Variants in FAT3 observed in about 807,000 individuals in gnomAD.
FAT3 encodes FAT atypical cadherin 3.
A neutral mutation model predicts 310.2 loss-of-function variants in FAT3; 95 were observed. The ratio of observed to expected loss-of-function variants is 0.31; its 90% CI spans 0.26 to 0.36. The LOEUF is 0.36. FAT3 is among the 10% of genes least tolerant of loss of function. The pLI is 1.00. For missense variants in FAT3, 5,408 were observed against 5,715.6 expected (o/e 0.95, Z 1.74); for synonymous variants, 2,314 against 2,192.9 (o/e 1.06, Z -1.54).
chr11:92,642,406 C>T (rs1941996780), intron 3 of FAT3, among the ~76,000 whole-genome samples: 2 of 152,196 alleles, frequency 1.3e-5, no homozygotes, highest in African/African-American at 2.4e-5. Context: ...ATTTTAACCT[C>T]CAGTGCAAAA....
chr11:92,286,549 T>C (rs1175483074), intron 1 of FAT3, among the ~76,000 whole-genome samples: 2 of 152,186 alleles, frequency 1.3e-5, no homozygotes. Context: ...GTTGTTTTCC[T>C]GAAGGACCAT....
At chr11:92,557,995 C>T in intron 3 of FAT3, among the ~76,000 whole-genome samples, 1 of 152,116 alleles carries the variant, frequency 6.6e-6, no homozygotes, top group East Asian at 1.9e-4. Flanking sequence ...TTTATTTGGC[C>T]AGGCTAGATA....
At chr11:92,339,427 C>T (rs1948181118) in intron 1 of FAT3, among the ~76,000 whole-genome samples, 1 of 152,120 alleles carries the variant, frequency 6.6e-6, no homozygotes, top group Non-Finnish European at 1.5e-5. Context: ...ACTATGTGCC[C>T]AGTAGTATGT....
chr11:92,615,320 C>G (rs1940749432), intron 3 of FAT3, among the ~76,000 whole-genome samples: 1 of 152,160 alleles, frequency 6.6e-6, no homozygotes, highest in Non-Finnish European at 1.5e-5. Context: ...GATCTTCGCT[C>G]ACTGCAACCT....
At chr11:92,343,530 TAA>T (rs1389870076) in intron 1 of FAT3, among the ~76,000 whole-genome samples, 2 of 152,154 alleles carry the variant, frequency 1.3e-5, no homozygotes, top group African/African-American at 4.8e-5. Context: ...ATTGACTAAG[TAA>T]AACTAGATAA....
At chr11:92,854,420 G>A (rs893479252) in intron 19 of FAT3, among the ~76,000 whole-genome samples, 1 of 152,134 alleles carries the variant, frequency 6.6e-6, no homozygotes, top group African/African-American at 2.4e-5. Context: ...GGGGGGTGGG[G>A]CTCCCACCAG....
rs369138787 is a variant in FAT3, at chr11:92,801,821, C to T, written c.8808C>T (p.Ser2936=). 7.9e-5 allele frequency: 127 copies of T among 1,613,722 alleles called. No individual in the cohort carries two copies. The highest frequency in any genetic ancestry group is 6.7e-4 in the South Asian group (61 of 91,068). ...TGTACCGAGGGAATGTGAAGGAGAG[C>T]GACCCACCGGGCGAGGTGGTAGCCG... ...QEVYRGNVKE[S]DPPGEVVAVL... Residue 2936 remains serine, a synonymous_variant, in exon 10 of 28, where the codon AGC becomes AGT. Transcript: ENST00000525166.
At chr11:92,569,884 A>G (rs1184850544) in intron 3 of FAT3, among the ~76,000 whole-genome samples, 2 of 152,146 alleles carry the variant, frequency 1.3e-5, no homozygotes, top group African/African-American at 4.8e-5. Context: ...GTGATTTCCA[A>G]CAGCTCATGC....
chr11:92,881,062 T>C (rs1949661581), intron 23 of FAT3, among the ~76,000 whole-genome samples, 178 bp downstream of exon 23: 2 of 152,356 alleles, frequency 1.3e-5, no homozygotes, highest in Non-Finnish European at 2.9e-5. Context: ...GAATTATCTC[T>C]GGGTAGTAGG....
At position 92,859,228 on chromosome 11, in the gene FAT3, A is replaced by T; in HGVS notation, c.11564A>T (p.Lys3855Ile). 1 of 1,613,928 alleles carries T rather than the reference A, an allele frequency of 6.2e-7. No homozygotes were observed. Among genetic ancestry groups the T allele is most frequent in the South Asian group, 1.1e-5 (1 of 91,056 alleles). ...AAATATCGGCTTTCTGAAAATAGCA[A>T]AGAAGAGGATTTCAAACTAGCTCTG... Reference protein sequence around the residue: ...YIKYRLSENSKEEDFKLALRL... With the variant: ...YIKYRLSENSIEEDFKLALRL... Residue 3855 changes from lysine (K) to isoleucine (I), a missense_variant, in exon 21 of 28, where the codon AAA becomes ATA. By Grantham distance (102) the Lys-to-Ile change is moderately radical (BLOSUM62 -3). This residue lies in a region of FAT3 where 4,588 missense variants were observed against 4,809.8 expected (regional missense o/e 0.95). Coordinates refer to ENST00000525166, the MANE Select transcript of FAT3 (RefSeq NM_001367949.2).
At chr11:92,780,397 T>C (rs949809664) in intron 7 of FAT3, among the ~76,000 whole-genome samples, 14 of 152,094 alleles carry the variant, frequency 9.2e-5, no homozygotes, top group African/African-American at 3.4e-4. Context: ...TCTTGGGCTT[T>C]AGTGACCTGC....
intron 2 of FAT3, among the ~76,000 whole-genome samples, chr11:92,404,169 A>G (rs1052564646): frequency 1.3e-5 from 2 of 151,926 alleles, no homozygotes; most frequent in African/African-American, 4.8e-5. Context: ...CCATTCAACA[A>G]ATATCAAGGA....
intron 2 of FAT3, among the ~76,000 whole-genome samples, chr11:92,489,363 A>AT (rs998276949): frequency 7.9e-5 from 12 of 152,040 alleles, no homozygotes; most frequent in South Asian, 4.1e-4. Context: ...ATCATTATGC[A>AT]TTTTTTCCAT....
intron 9 of FAT3, among the ~76,000 whole-genome samples, chr11:92,795,735 A>C (rs1299177225): frequency 1.3e-5 from 2 of 151,890 alleles, no homozygotes; most frequent in Admixed American, 6.6e-5. Context: ...ACGTGGCAAA[A>C]CCCCGTCTCT....
rs1179409316 is a variant in FAT3, at chr11:92,683,072, T to TAAAAAAAAAAAAA, written c.3608-14310_3608-14298dup. Among the ~76,000 whole-genome samples, 46 of 114,802 alleles carry TAAAAAAAAAAAAA rather than the reference T, an allele frequency of 4.0e-4. 2 individuals are homozygous for TAAAAAAAAAAAAA. The highest frequency in any genetic ancestry group is 1.2e-3 in the African/African-American group (29 of 24,534). The allele number at this position is 114,802 out of a possible 152,430, so 75.3% of individuals were successfully genotyped here. On this transcript the variant is annotated intron_variant, in intron 3 of 27. Coordinates refer to ENST00000525166, the MANE Select transcript of FAT3 (RefSeq NM_001367949.2). ...CAGCCTGGGTGACACAGCAAGACTC[T>TAAAAAAAAAAAAA]AAAAAAAAAAAAAAGTGGTATCTGA...
At chr11:92,409,031 G>A (rs570343468) in intron 2 of FAT3, among the ~76,000 whole-genome samples, 10 of 152,090 alleles carry the variant, frequency 6.6e-5, no homozygotes, top group East Asian at 3.9e-4. Context: ...TAAACATTAC[G>A]TATAGAAGTG....
At chr11:92,818,384 G>A (rs1032536327) in intron 13 of FAT3, among the ~76,000 whole-genome samples, 1 of 152,160 alleles carries the variant, frequency 6.6e-6, no homozygotes, top group African/African-American at 2.4e-5. Flanking sequence ...GTGGGACAGA[G>A]AGAAGGGGCA....
rs138569183 is a variant in FAT3, at chr11:92,864,684, G to C, written c.11659-2057G>C. Among the ~76,000 whole-genome samples the C allele has an allele frequency of 2.1e-3, 327 of 152,182 alleles. 3 individuals are homozygous for C. Among genetic ancestry groups the C allele is most frequent in the African/African-American group, 7.5e-3 (313 of 41,496 alleles). On this transcript the variant is annotated intron_variant, in intron 21 of 27. Transcript: ENST00000525166. ...TAGAAAAAATTAGCTGGGCATGGTG[G>C]CGCTTGCCTGTAATCCCAGCTACTC...
chr11:92,353,892 G>T lies in FAT3; in HGVS notation c.1780G>T (p.Gly594Cys), dbSNP rs748165817. 1 of 1,613,196 alleles carries T rather than the reference G, an allele frequency of 6.2e-7. No individual in the cohort carries two copies. Among genetic ancestry groups the T allele is most frequent in the Non-Finnish European group, 8.5e-7 (1 of 1,179,426 alleles). Residue 594 changes from glycine to cysteine, a missense_variant, in exon 2 of 28, where the codon GGT (glycine) becomes TGT (cysteine). This residue lies in a region of FAT3 where 4,588 missense variants were observed against 4,809.8 expected (regional missense o/e 0.95). Coordinates refer to ENST00000525166, the MANE Select transcript of FAT3 (RefSeq NM_001367949.2). ...AGTTATTTCATATGACTTTCCAGTT[G>T]GTGGTCACATCACAGCAGTCTCAGC... ...QGVISYDFPV[G>C]GHITAVSAID...
Sources: allele counts gnomAD v4.1 joint callset (sites outside exome capture counted in the v4.1 genomes callset), GRCh38; gene constraint gnomAD v4.1.1; regional missense constraint gnomAD v4.1.1; transcripts MANE v1.5; gene names NCBI Gene and HGNC (gene_info 2026-07-23, HGNC 2026-07-21).